The following PPARGC1A variants were observed in gnomAD, a reference collection of about 807,000 sequenced individuals.
The protein encoded by PPARGC1A is peroxisome proliferator-activated receptor gamma coactivator 1-alpha.
PPARGC1A carries 25 observed loss-of-function variants against 88.7 expected under a neutral mutation model. That is an observed-to-expected ratio of 0.28 (90% CI 0.21 to 0.39). The LOEUF is 0.39. PPARGC1A is among the 10% of genes least tolerant of loss of function. PPARGC1A has a pLI of 1.00. For synonymous variants in PPARGC1A, 363 were observed against 355.6 expected, an observed-to-expected ratio of 1.02 and a Z score of -0.24; for missense variants, 880 against 968.7, an observed-to-expected ratio of 0.91 and a Z score of 1.22.
At chr4:24,132,530 A>C in the PPARGC1A span, among the ~76,000 whole-genome samples, 3 of 152,178 alleles carry the variant, frequency 2.0e-5, no homozygotes, top group Admixed American at 2.0e-4. Flanking sequence ...TTGTACCTCA[A>C]TGACTTTCTT....
the PPARGC1A span, among the ~76,000 whole-genome samples, chr4:24,041,402 G>T: frequency 9.2e-5 from 14 of 152,184 alleles, no homozygotes; most frequent in Non-Finnish European, 1.8e-4. Flanking sequence ...TCTGGAACTA[G>T]CTCCCTCCGT....
At chr4:23,973,142 T>C in the PPARGC1A span, among the ~76,000 whole-genome samples, 2 of 152,258 alleles carry the variant, frequency 1.3e-5, 1 homozygote, top group African/African-American at 4.8e-5. Context: ...TACCCAGCAT[T>C]TTTATCACTG....
chr4:23,931,535 A>G, the PPARGC1A span, among the ~76,000 whole-genome samples: 1 of 152,144 alleles, frequency 6.6e-6, no homozygotes, highest in African/African-American at 2.4e-5. Flanking sequence ...AAAGAGGAAG[A>G]AAGGAAGGTG....
At position 23,884,457 on chromosome 4, in the gene PPARGC1A, C is replaced by T. The variant is rs1716516446; in HGVS notation, c.234+295G>A. ...GAATAAACAGGTTTAGACTTTTGTT[C>T]TTCTTTGTCACTAATCTTTCACAAC... On this transcript the variant is annotated intron_variant, in intron 2 of 12. Transcript: ENST00000264867. 5 of 388,058 alleles carry T rather than the reference C, an allele frequency of 1.3e-5. No homozygotes were observed. The East Asian group carries it at 1.8e-4, about 14-fold the overall frequency. The allele number at this position is 388,058 out of a possible 1,614,324, so 24.0% of individuals were successfully genotyped here.
intron 2 of PPARGC1A, among the ~76,000 whole-genome samples, chr4:23,832,614 T>C (rs1043790558): frequency 7.5e-5 from 10 of 132,906 alleles, no homozygotes; most frequent in African/African-American, 2.6e-4. Context: ...TTCTTTTTCT[T>C]TTTTTTTTTT....
the PPARGC1A span, among the ~76,000 whole-genome samples, chr4:23,928,767 A>C: frequency 0.14 from 1,987 of 13,732 alleles, 68 homozygotes; most frequent in African/African-American, 0.25. Flanking sequence ...AAAACAAAAA[A>C]AACAAAAAAA....
At chr4:24,001,700 A>G in the PPARGC1A span, among the ~76,000 whole-genome samples, 1 of 152,130 alleles carries the variant, frequency 6.6e-6, no homozygotes, top group Non-Finnish European at 1.5e-5. Flanking sequence ...GGTATTAAAC[A>G]TTGATCACTG....
the PPARGC1A span, among the ~76,000 whole-genome samples, chr4:23,964,189 G>T: frequency 6.6e-6 from 1 of 152,134 alleles, no homozygotes; most frequent in African/African-American, 2.4e-5. Context: ...ACTCCAAGAG[G>T]TAGATAACTA....
chr4:23,912,134 G>A, the PPARGC1A span, among the ~76,000 whole-genome samples: 1 of 152,082 alleles, frequency 6.6e-6, no homozygotes, highest in African/African-American at 2.4e-5. Flanking sequence ...GTGAAGAGGT[G>A]GCATTTTCAA....
chr4:24,040,694 A>G, the PPARGC1A span, among the ~76,000 whole-genome samples: 1 of 152,232 alleles, frequency 6.6e-6, no homozygotes, highest in Non-Finnish European at 1.5e-5. Flanking sequence ...TGAAATAAAA[A>G]CAAACTACAA....
At chr4:23,815,848 G>T (rs1263028185) in intron 7 of PPARGC1A, among the ~76,000 whole-genome samples, 1 of 152,110 alleles carries the variant, frequency 6.6e-6, no homozygotes, top group African/African-American at 2.4e-5. Flanking sequence ...ACAAGCCTGG[G>T]GTTAGACTTA....
the PPARGC1A span, among the ~76,000 whole-genome samples, chr4:24,458,440 G>A: frequency 6.6e-6 from 1 of 152,230 alleles, no homozygotes; most frequent in African/African-American, 2.4e-5. Flanking sequence ...GGCAGAGGTT[G>A]CAGTGAGCCA....
At chr4:24,335,265 G>A in the PPARGC1A span, among the ~76,000 whole-genome samples, 2 of 152,172 alleles carry the variant, frequency 1.3e-5, no homozygotes, top group African/African-American at 4.8e-5. Context: ...AATGTCCCCT[G>A]ATTTAGGTAT....
At chr4:23,891,808 G>A (rs373471562), upstream of PPARGC1A, among the ~76,000 whole-genome samples, 5 of 152,086 alleles carry the variant, frequency 3.3e-5, no homozygotes, top group African/African-American at 4.8e-5. Flanking sequence ...ATACAACCTC[G>A]GGAATGCTTT....
chr4:23,978,347 G>A, the PPARGC1A span, among the ~76,000 whole-genome samples: 14 of 152,128 alleles, frequency 9.2e-5, no homozygotes, highest in Non-Finnish European at 2.1e-4. Flanking sequence ...TAGAAGATTT[G>A]TTATGTTTTA....
the PPARGC1A span, among the ~76,000 whole-genome samples, chr4:24,220,867 TA>T: frequency 6.6e-6 from 1 of 152,002 alleles, no homozygotes; most frequent in Non-Finnish European, 1.5e-5. Flanking sequence ...CTCTTGAATC[TA>T]AAAAAAGAAA....
At chr4:24,412,587 T>C in the PPARGC1A span, among the ~76,000 whole-genome samples, 1 of 152,142 alleles carries the variant, frequency 6.6e-6, no homozygotes, top group East Asian at 1.9e-4. Flanking sequence ...TTCAAGCGAT[T>C]CTCCTGCCTC....
chr4:24,188,048 A>T, the PPARGC1A span, among the ~76,000 whole-genome samples: 13 of 152,244 alleles, frequency 8.5e-5, no homozygotes, highest in Middle Eastern at 3.2e-3. Context: ...GGCAAAGAAC[A>T]TGCCAATTAT....
At chr4:24,446,591 A>ATTTTTTTTTT in the PPARGC1A span, among the ~76,000 whole-genome samples, 3 of 134,884 alleles carry the variant, frequency 2.2e-5, no homozygotes, top group Admixed American at 7.7e-5. Context: ...AAAACACTGA[A>ATTTTTTTTTT]TTTTTTTTTT....
Sources: allele counts gnomAD v4.1 joint callset (sites outside exome capture counted in the v4.1 genomes callset), GRCh38; gene constraint gnomAD v4.1.1; transcripts MANE v1.5; gene names NCBI Gene and HGNC (gene_info 2026-07-23, HGNC 2026-07-21).